The following SPATA13 variants were observed in gnomAD, a reference collection of about 807,000 sequenced individuals.
The protein encoded by SPATA13 is spermatogenesis associated 13, also known as spermatogenesis-associated protein 13.
A neutral mutation model predicts 104.0 loss-of-function variants in SPATA13; 50 were observed. The observed-to-expected ratio is 0.48, with a 90% confidence interval of 0.38 to 0.61. The LOEUF is 0.61. SPATA13 is among the 20% of genes least tolerant of loss of function. The pLI, the probability that SPATA13 is intolerant of heterozygous loss-of-function variation, is 0.00. For missense variants in SPATA13, 1,524 were observed against 1,690.6 expected, an observed-to-expected ratio of 0.90 and a Z score of 1.73; for synonymous variants, 606 against 667.5, an observed-to-expected ratio of 0.91 and a Z score of 1.42.
chr13:24,178,356 A>G (rs1483520674), intron 1 of SPATA13, among the ~76,000 whole-genome samples: 1 of 152,208 alleles, frequency 6.6e-6, no homozygotes, highest in African/African-American at 2.4e-5. Context: ...GGCTGCAAGG[A>G]ATGAGTAGAC....
chr13:24,043,741 C>T (rs183876361), intron 3 of SPATA13, among the ~76,000 whole-genome samples: 6 of 152,224 alleles, frequency 3.9e-5, no homozygotes, highest in African/African-American at 1.2e-4. Context: ...GCCTGCTGGT[C>T]GTGAAAGGTC....
chr13:24,173,495 C>A (rs367789703), intron 1 of SPATA13, among the ~76,000 whole-genome samples: 1 of 145,098 alleles, frequency 6.9e-6, no homozygotes, highest in Non-Finnish European at 1.5e-5. Context: ...GCCTTTTATT[C>A]CCCCCCGTCC....
chr13:24,189,365 T>C (rs1000365814), intron 1 of SPATA13, among the ~76,000 whole-genome samples: 1 of 150,726 alleles, frequency 6.6e-6, no homozygotes, highest in Non-Finnish European at 1.5e-5. Flanking sequence ...TGCCAGCAAC[T>C]CTGGAGGCTG....
intron 1 of SPATA13, among the ~76,000 whole-genome samples, chr13:24,209,141 G>A (rs1207063116): frequency 6.6e-6 from 1 of 152,098 alleles, no homozygotes; most frequent in Non-Finnish European, 1.5e-5. Context: ...CTCTGGCTTA[G>A]GTGCCCAAGA....
intron 3 of SPATA13, among the ~76,000 whole-genome samples, chr13:24,137,146 G>A (rs1235130318): frequency 6.6e-6 from 1 of 152,080 alleles, no homozygotes; most frequent in African/African-American, 2.4e-5. Context: ...TTATTTTTAT[G>A]AGAGATAAGG....
chr13:24,219,201 G>A (rs1187280753), intron 1 of SPATA13, among the ~76,000 whole-genome samples: 1 of 152,038 alleles, frequency 6.6e-6, no homozygotes, highest in Non-Finnish European at 1.5e-5. Flanking sequence ...AGTTAATTGA[G>A]GTCAAATTAT....
At chr13:24,228,537 G>C (rs1034271944) in intron 2 of SPATA13, among the ~76,000 whole-genome samples, 2 of 152,170 alleles carry the variant, frequency 1.3e-5, no homozygotes, top group African/African-American at 4.8e-5. Context: ...TTGTGAAGTA[G>C]AACCTGAAAC....
chr13:24,227,697 A>G (rs959641798), intron 2 of SPATA13, among the ~76,000 whole-genome samples: 21 of 152,048 alleles, frequency 1.4e-4, no homozygotes, highest in Non-Finnish European at 2.5e-4. Context: ...CAGCCTCCCA[A>G]GTAGCTGAGA....
At position 24,254,934 on chromosome 13, in the gene SPATA13, T is replaced by C. The variant is rs146251438; in HGVS notation, c.2164+3072T>C. On this transcript the variant is annotated intron_variant, in intron 4 of 12. Transcript: ENST00000382108. ...GTCCACATGATGATTGATTAGCCTCTCTTGCAATAAGGATTCATGTAGGAT... is the reference window on the plus strand; with the variant it reads ...GTCCACATGATGATTGATTAGCCTCCCTTGCAATAAGGATTCATGTAGGAT... Among the ~76,000 whole-genome samples, 1,173 of 152,272 alleles carry C rather than the reference T, an allele frequency of 7.7e-3. 9 individuals carry two copies. The highest frequency in any genetic ancestry group is 0.011 in the Non-Finnish European group (751 of 68,006).
intron 1 of SPATA13, among the ~76,000 whole-genome samples, chr13:24,194,029 A>G (rs772310636): frequency 3.9e-5 from 6 of 152,226 alleles, no homozygotes; most frequent in Non-Finnish European, 7.3e-5. Context: ...ATTCAAGTTC[A>G]TAGCCCATCT....
In SPATA13 at chr13:24,224,123, T is replaced by G. The variant is rs1871786540; in HGVS notation, c.1194T>G (p.Ser398=). The part of the protein sequence containing the change: ...TVAPGFGSAT[S]KGPHLDADTA... ...CCCCCGGTTTCGGCTCAGCCACCTC[T>G]AAGGGGCCCCACCTAGACGCTGACA... Residue 398 remains serine (S), a synonymous_variant, in exon 2 of 13, where the codon TCT becomes TCG. Transcript: ENST00000382108. 6.4e-7 allele frequency: 1 copy of G among 1,551,624 alleles called. No individual in the cohort carries two copies. The highest frequency in any genetic ancestry group is 8.7e-7 in the Non-Finnish European group (1 of 1,146,978).
chr13:24,226,740 CA>C (rs1871962931), intron 2 of SPATA13, among the ~76,000 whole-genome samples: 1 of 152,244 alleles, frequency 6.6e-6, no homozygotes, highest in African/African-American at 2.4e-5. Context: ...AATGATTGCA[CA>C]GCAAGTTTGC....
At chr13:24,215,745 G>C (rs187858602) in intron 1 of SPATA13, among the ~76,000 whole-genome samples, 3 of 152,270 alleles carry the variant, frequency 2.0e-5, no homozygotes, top group African/African-American at 7.2e-5. Flanking sequence ...TGTGAACTCA[G>C]TGAACACAGC....
intron 1 of SPATA13, among the ~76,000 whole-genome samples, chr13:24,203,925 A>G (rs530219442): frequency 2.3e-4 from 35 of 152,304 alleles, no homozygotes; most frequent in African/African-American, 8.4e-4. Context: ...GTGGCTCTGG[A>G]TGATTAAGGT....
intron 2 of SPATA13, among the ~76,000 whole-genome samples, chr13:23,986,716 C>G (rs1189725020): frequency 6.6e-6 from 1 of 152,158 alleles, no homozygotes; most frequent in Non-Finnish European, 1.5e-5. Context: ...TTCAGCTGCT[C>G]TTGGCTATGA....
rs568052196 is a variant in SPATA13 at position 24,088,689 on chromosome 13, A to C, written c.-112+70988A>C. Among the ~76,000 whole-genome samples, 1 of 152,346 alleles carries C rather than the reference A, an allele frequency of 6.6e-6. No homozygotes were observed. The highest frequency in any genetic ancestry group is 2.1e-4 in the South Asian group (1 of 4,826). On this transcript the variant is annotated intron_variant, in intron 3 of 14. Coordinates refer to the SPATA13 transcript ENST00000424834. The surrounding 1 kb of genome is among the most constrained non-coding windows in gnomAD (Gnocchi z 4.3). ...CTGCCTTCCAGAAGGTGTATAGTAG[A>C]AACTCAGTGGCACTCGGGCCCTGCT...
chr13:24,016,115 G>A (rs1358039800), intron 2 of SPATA13, among the ~76,000 whole-genome samples: 2 of 152,106 alleles, frequency 1.3e-5, no homozygotes, highest in Non-Finnish European at 2.9e-5. Flanking sequence ...GGCAGGACTC[G>A]GGACTCTGCG....
chr13:24,294,939 A>C, intron 10 of SPATA13, 71 bp downstream of exon 10: 1 of 1,481,936 alleles, frequency 6.7e-7, no homozygotes, highest in Non-Finnish European at 9.3e-7. Flanking sequence ...GTGCAGATGC[A>C]CTTTAATATC....
At chr13:24,178,169 C>T (rs1452742916) in intron 1 of SPATA13, among the ~76,000 whole-genome samples, 1 of 152,114 alleles carries the variant, frequency 6.6e-6, no homozygotes, top group East Asian at 1.9e-4. Context: ...GTTTTTTAAA[C>T]TGGGAATATC....
Sources: gnomAD v4.1 joint callset for allele counts (sites outside exome capture counted in the v4.1 genomes callset) on GRCh38, gnomAD v4.1.1 for gene constraint, Gnocchi (gnomAD v3.1) non-coding constraint, MANE v1.5 for transcripts, NCBI Gene and HGNC (gene_info 2026-07-23, HGNC 2026-07-21) for gene names.